The following SPOCK1 variants were observed in gnomAD, a reference collection of about 807,000 sequenced individuals.
SPOCK1 encodes SPARC (osteonectin), cwcv and kazal like domains proteoglycan 1, also known as testican-1.
In SPOCK1, 23 loss-of-function variants were observed where a neutral mutation model predicts 55.3. The observed-to-expected ratio is 0.42, with a 90% confidence interval of 0.30 to 0.59. The LOEUF is 0.59. SPOCK1 is among the 20% of genes least tolerant of loss of function. The pLI, the probability that SPOCK1 is intolerant of heterozygous loss-of-function variation, is 0.22. For synonymous variants in SPOCK1, 226 were observed against 221.0 expected, an observed-to-expected ratio of 1.02 and a Z score of -0.20; for missense variants, 499 against 552.5, an observed-to-expected ratio of 0.90 and a Z score of 0.97.
intron 6 of SPOCK1, among the ~76,000 whole-genome samples, chr5:137,041,070 G>C (rs1026330442): frequency 6.6e-6 from 1 of 152,056 alleles, no homozygotes; most frequent in Non-Finnish European, 1.5e-5. Context: ...GAGAAACAAA[G>C]TATGAAGTCT....
chr5:137,131,834 T>C (rs1753884622), intron 4 of SPOCK1, among the ~76,000 whole-genome samples: 3 of 148,124 alleles, frequency 2.0e-5, no homozygotes, highest in Admixed American at 6.7e-5. Context: ...TAGCCGGGTG[T>C]AGGGGCGGGC....
chr5:137,350,073 GC>G (rs1477649912), intron 2 of SPOCK1, among the ~76,000 whole-genome samples: 1 of 152,142 alleles, frequency 6.6e-6, no homozygotes, highest in Non-Finnish European at 1.5e-5. Context: ...GAGATATAGA[GC>G]TAAGAGACAT....
intron 6 of SPOCK1, among the ~76,000 whole-genome samples, chr5:137,067,427 G>T (rs1012257695): frequency 6.6e-6 from 1 of 152,154 alleles, no homozygotes; most frequent in African/African-American, 2.4e-5. Context: ...GGCAGGTCCG[G>T]TCTTAGATGC....
At chr5:137,212,889 G>A (rs564355774) in intron 3 of SPOCK1, among the ~76,000 whole-genome samples, 1 of 152,192 alleles carries the variant, frequency 6.6e-6, no homozygotes, top group Non-Finnish European at 1.5e-5. Flanking sequence ...AAACTGGGGA[G>A]AGTAGGGTAA....
intron 6 of SPOCK1, among the ~76,000 whole-genome samples, chr5:136,998,381 AT>A (rs1751087533): frequency 6.6e-6 from 1 of 152,210 alleles, no homozygotes; most frequent in Admixed American, 6.5e-5. Context: ...TTGTTCAAAA[AT>A]ATATTTATCA....
intron 4 of SPOCK1, among the ~76,000 whole-genome samples, chr5:137,115,990 C>A (rs1273002086): frequency 6.6e-6 from 1 of 152,158 alleles, no homozygotes; most frequent in Non-Finnish European, 1.5e-5. Context: ...GATTGTTATG[C>A]CCAATGTCAC....
At position 137,090,642 on chromosome 5, in the gene SPOCK1, C is replaced by A. The variant is rs1753036110; in HGVS notation, c.474+21793G>T. On this transcript the variant is annotated intron_variant, in intron 5 of 10. Coordinates refer to ENST00000394945, the MANE Select transcript of SPOCK1 (RefSeq NM_004598.4). ...CTGAAGTTAATGGAAGGGCAGAATT[C>A]GGTCGAGCTTGATTGTGATGTAAAG... is the stretch of plus-strand genomic sequence containing the variant. Among the ~76,000 whole-genome samples the A allele has an allele frequency of 3.3e-5, 5 of 152,164 alleles. No homozygotes were observed. In the South Asian group the frequency reaches 1.0e-3, roughly 32 times the overall value.
At chr5:137,492,601 ATAT>A (rs1754207760) in intron 2 of SPOCK1, among the ~76,000 whole-genome samples, 1 of 152,250 alleles carries the variant, frequency 6.6e-6, no homozygotes, top group Admixed American at 6.5e-5. Context: ...CACCAAAGGA[ATAT>A]TATTATCATT....
chr5:137,377,264 G>C (rs2127173369), intron 2 of SPOCK1, among the ~76,000 whole-genome samples: 1 of 152,316 alleles, frequency 6.6e-6, no homozygotes, highest in South Asian at 2.1e-4. Context: ...TGAGCTTATG[G>C]GGCCTCCCCT....
chr5:136,983,200 A>ATT lies in SPOCK1; in HGVS notation c.991+1938_991+1939dup, dbSNP rs530460121. 2.6e-4 allele frequency among the ~76,000 whole-genome samples: 40 copies of ATT among 152,268 alleles called. 1 individual carries two copies. In the South Asian group the frequency reaches 8.1e-3, roughly 31 times the overall value. The stretch of plus-strand genomic sequence containing the variant: ...TTTGTGAGCGTGCTTACATTTTCAA[A>ATT]TTTGCCTTTTATTTAGTGGAACAAT... On this transcript the variant is annotated intron_variant, in intron 9 of 10. Coordinates refer to ENST00000394945, the MANE Select transcript of SPOCK1 (RefSeq NM_004598.4).
In SPOCK1 at chr5:137,146,399, C is replaced by T. The variant is rs181408063; in HGVS notation, c.233-5705G>A. ...AATCTTCCTCAGGCCAGAGGCCACT[C>T]GATTTGCAAAAAGTCCACCAGTTAA... is the stretch of plus-strand genomic sequence containing the variant. On this transcript the variant is annotated intron_variant, in intron 3 of 10. Coordinates refer to ENST00000394945, the MANE Select transcript of SPOCK1 (RefSeq NM_004598.4). Among the ~76,000 whole-genome samples, 130 of 152,306 alleles carry T rather than the reference C, an allele frequency of 8.5e-4. 2 individuals carry two copies. The highest frequency in any genetic ancestry group is 8.4e-3 in the Admixed American group (129 of 15,302).
At chr5:137,200,957 G>C (rs1230161577) in intron 3 of SPOCK1, among the ~76,000 whole-genome samples, 1 of 152,222 alleles carries the variant, frequency 6.6e-6, no homozygotes, top group Non-Finnish European at 1.5e-5. Context: ...AATAGACCCT[G>C]ATGTACTTAG....
chr5:137,318,963 A>T (rs1319709730), intron 2 of SPOCK1, among the ~76,000 whole-genome samples: 1 of 152,220 alleles, frequency 6.6e-6, no homozygotes, highest in Non-Finnish European at 1.5e-5. Flanking sequence ...CGTTTAATAG[A>T]TGTCATTCTA....
In SPOCK1 at chr5:137,260,341, T is replaced by C. The variant is rs182163336; in HGVS notation, c.232+6669A>G. 8.9e-4 allele frequency among the ~76,000 whole-genome samples: 136 copies of C among 152,256 alleles called. 1 individual carries two copies. Among genetic ancestry groups the C allele is most frequent in the African/African-American group, 3.2e-3 (131 of 41,556 alleles). The stretch of plus-strand genomic sequence containing the variant: ...AATTGAATTAATTGTGATATATTAA[T>C]ACAATAGAATAGCACAATATAAAAT... On this transcript the variant is annotated intron_variant, in intron 3 of 10. Transcript: ENST00000394945.
chr5:136,978,577 G>C lies in SPOCK1; in HGVS notation c.*77C>G. On this transcript the variant is annotated 3_prime_UTR_variant, in exon 11 of 11. Transcript: ENST00000394945. The stretch of plus-strand genomic sequence containing the variant: ...ATGGAGAAGAGACCTTGGTGCCTTG[G>C]AGTCTTAGATACAAATGCAGGAATA... 6.8e-7 allele frequency: 1 copy of C among 1,481,000 alleles called. No homozygotes were observed. Among genetic ancestry groups the C allele is most frequent in the Non-Finnish European group, 9.1e-7 (1 of 1,099,186 alleles). The allele number at this position is 1,481,000 out of a possible 1,614,324, so 91.7% of individuals were successfully genotyped here.
chr5:137,207,336 C>A (rs1263105585), intron 3 of SPOCK1, among the ~76,000 whole-genome samples: 1 of 152,226 alleles, frequency 6.6e-6, no homozygotes, highest in Non-Finnish European at 1.5e-5. Context: ...AAGTTGGAAC[C>A]AACACACAAG....
At position 137,029,205 on chromosome 5, in the gene SPOCK1, C is replaced by A. The variant is rs2073903; in HGVS notation, c.590-36605G>T. Reference sequence around the variant, plus strand: ...TCTTGGTTTTGGTTTATAGAACAGTCTTTTGAGAACTTGCTTCATGTGACC... The same window carrying A: ...TCTTGGTTTTGGTTTATAGAACAGTATTTTGAGAACTTGCTTCATGTGACC... On this transcript the variant is annotated intron_variant, in intron 6 of 10. Coordinates refer to ENST00000394945, the MANE Select transcript of SPOCK1 (RefSeq NM_004598.4). Among the ~76,000 whole-genome samples the A allele has an allele frequency of 3.3e-3, 510 of 152,270 alleles. 7 individuals are homozygous for A. The East Asian group carries it at 0.048, about 14-fold the overall frequency.
At chr5:137,446,291 G>A (rs1034515885) in intron 2 of SPOCK1, among the ~76,000 whole-genome samples, 47 of 152,188 alleles carry the variant, frequency 3.1e-4, no homozygotes, top group African/African-American at 1.1e-3. Flanking sequence ...CAGAGTCACT[G>A]CAATTAAACC....
chr5:137,450,133 G>A (rs1298661317), intron 2 of SPOCK1, among the ~76,000 whole-genome samples: 1 of 152,122 alleles, frequency 6.6e-6, no homozygotes, highest in Non-Finnish European at 1.5e-5. Context: ...CCTTGGGGGA[G>A]TGAGATGTTG....
Sources: gnomAD v4.1 joint callset for allele counts (sites outside exome capture counted in the v4.1 genomes callset) on GRCh38, gnomAD v4.1.1 for gene constraint, MANE v1.5 for transcripts, NCBI Gene and HGNC (gene_info 2026-07-23, HGNC 2026-07-21) for gene names.